LHFPL2: variants seen among roughly 807,000 people sequenced by gnomAD.
LHFPL2 encodes LHFPL tetraspan subfamily member 2.
In LHFPL2, 7 loss-of-function variants were observed where a neutral mutation model predicts 17.5. The ratio of observed to expected loss-of-function variants is 0.40; its 90% CI spans 0.23 to 0.75. The LOEUF (loss-of-function observed/expected upper bound fraction) is 0.75. Among genes scored for constraint, LHFPL2 ranks in the 30% least tolerant of loss-of-function variants. LHFPL2 has a pLI of 0.37. For missense variants in LHFPL2, 241 were observed against 294.8 expected (o/e 0.82, Z 1.34); for synonymous variants, 134 against 116.2 (o/e 1.15, Z -0.99).
At chr5:78,556,861 G>A (rs1344106241) in intron 3 of LHFPL2, among the ~76,000 whole-genome samples, 6 of 152,158 alleles carry the variant, frequency 3.9e-5, no homozygotes, top group African/African-American at 1.4e-4. Flanking sequence ...TGACCCCTAA[G>A]GGAACTGATT....
chr5:78,513,358 G>A (rs1755193694), intron 3 of LHFPL2, among the ~76,000 whole-genome samples: 1 of 152,172 alleles, frequency 6.6e-6, no homozygotes, highest in Non-Finnish European at 1.5e-5. Flanking sequence ...TCTCCTTTAT[G>A]CTAAAACATT....
intron 2 of LHFPL2, among the ~76,000 whole-genome samples, chr5:78,598,946 C>T (rs1026189572): frequency 6.6e-5 from 10 of 152,142 alleles, no homozygotes; most frequent in African/African-American, 2.2e-4. Context: ...ACCTGTACAA[C>T]ACCTTCAAAT....
rs575701275 is a variant in LHFPL2, at chr5:78,534,075, G to A, written c.-185-23677C>T. Among the ~76,000 whole-genome samples the A allele has an allele frequency of 5.9e-5, 9 of 152,372 alleles. No homozygotes were observed. The South Asian group carries it at 1.7e-3, about 28-fold the overall frequency. On this transcript the variant is annotated intron_variant, in intron 3 of 4. Coordinates refer to ENST00000380345, the MANE Select transcript of LHFPL2 (RefSeq NM_005779.3). ...CCAATCACCGATGCTGGGGCAGGGA[G>A]AGGAGGGATATGACAACAACAAGGC...
rs536843504 is a variant in LHFPL2 at position 78,647,387 on chromosome 5, A to C, written c.-350+1112T>G. ...CTCTCTGGCCAAGGGGTAAGGCAAA[A>C]GCAATGTGCAGGTTATAAATGTCCC... On this transcript the variant is annotated intron_variant, in intron 1 of 4. Coordinates refer to ENST00000380345, the MANE Select transcript of LHFPL2 (RefSeq NM_005779.3). 3.3e-5 allele frequency among the ~76,000 whole-genome samples: 5 copies of C among 152,292 alleles called. No homozygotes were observed. In the East Asian group the frequency reaches 9.7e-4, roughly 29 times the overall value.
intron 1 of LHFPL2, among the ~76,000 whole-genome samples, chr5:78,646,017 A>G (rs1441072308): frequency 1.3e-5 from 2 of 152,186 alleles, no homozygotes; most frequent in Non-Finnish European, 1.5e-5. Flanking sequence ...TATCATGTTC[A>G]TTACTATAGT....
intron 3 of LHFPL2, among the ~76,000 whole-genome samples, chr5:78,551,616 G>A (rs563796594): frequency 2.0e-5 from 3 of 152,286 alleles, no homozygotes; most frequent in East Asian, 3.9e-4. Context: ...AGCCCTAGCA[G>A]CAGCCTTAGA....
In LHFPL2 at chr5:78,648,143, A is replaced by C. The variant is rs1333867890; in HGVS notation, c.-350+356T>G. 1.3e-5 allele frequency among the ~76,000 whole-genome samples: 2 copies of C among 152,066 alleles called. No individual in the cohort carries two copies. The highest frequency in any genetic ancestry group is 4.8e-5 in the African/African-American group (2 of 41,426). ...CGGCGCCCAGCTGCGCCTGGGACCC[A>C]CGCGCCGCCGTCCGAAGCCCGCCAG... is the stretch of plus-strand genomic sequence containing the variant. On this transcript the variant is annotated intron_variant, in intron 1 of 4. Transcript: ENST00000380345. This position sits in a 1 kb window ranked among gnomAD's most constrained non-coding sequence, Gnocchi z 5.4.
chr5:78,648,478 G>A lies in LHFPL2; in HGVS notation c.-350+21C>T, dbSNP rs1401656832. ...GCTCTCCCCTCCCGCAGCGCGCGCG[G>A]GCCCGACGCCTGCCACTCACCCGGC... On this transcript the variant is annotated intron_variant, in intron 1 of 4. Transcript: ENST00000380345. The surrounding 1 kb of genome is among the most constrained non-coding windows in gnomAD (Gnocchi z 5.4). 3 of 151,788 alleles carry A rather than the reference G, an allele frequency of 2.0e-5. No individual in the cohort carries two copies. The highest frequency in any genetic ancestry group is 1.3e-4 in the Admixed American group (2 of 15,234). The allele number at this position is 151,788 out of a possible 1,614,324, so 9.4% of individuals were successfully genotyped here. A position where few individuals can be genotyped will look rare whatever the true frequency, so the allele number is the denominator to read the frequency against.
intron 2 of LHFPL2, among the ~76,000 whole-genome samples, chr5:78,577,264 T>A (rs1025706639): frequency 6.6e-6 from 1 of 152,184 alleles, no homozygotes; most frequent in Admixed American, 6.5e-5. Flanking sequence ...AATATCAACA[T>A]GAGTTGTTTC....
chr5:78,600,155 C>G (rs989515442), intron 2 of LHFPL2, among the ~76,000 whole-genome samples: 2 of 151,928 alleles, frequency 1.3e-5, no homozygotes, highest in South Asian at 4.2e-4. Flanking sequence ...CTGAATAGTT[C>G]TAAAAATTTC....
At chr5:78,639,350 A>G (rs1745580284) in intron 1 of LHFPL2, among the ~76,000 whole-genome samples, 1 of 152,220 alleles carries the variant, frequency 6.6e-6, no homozygotes, top group African/African-American at 2.4e-5. Context: ...CAAACAAACA[A>G]ACAAACAAAA....
At chr5:78,528,063 G>A (rs539729684) in intron 3 of LHFPL2, among the ~76,000 whole-genome samples, 1 of 152,246 alleles carries the variant, frequency 6.6e-6, no homozygotes, top group South Asian at 2.1e-4. Flanking sequence ...ATCTCTCTTT[G>A]GCTTAACTGT....
At chr5:78,570,359 G>A (rs1321995348) in intron 2 of LHFPL2, among the ~76,000 whole-genome samples, 1 of 152,090 alleles carries the variant, frequency 6.6e-6, no homozygotes, top group Non-Finnish European at 1.5e-5. Context: ...AAGCGCAGGA[G>A]GCAAGGAGGA....
chr5:78,586,489 C>T (rs1285959046), intron 2 of LHFPL2, among the ~76,000 whole-genome samples: 18 of 152,200 alleles, frequency 1.2e-4, no homozygotes, highest in Non-Finnish European at 7.3e-5. Flanking sequence ...AGTCATCACA[C>T]AGCTGGTATA....
chr5:78,546,437 G>A (rs1312546439), intron 3 of LHFPL2, among the ~76,000 whole-genome samples: 1 of 152,058 alleles, frequency 6.6e-6, no homozygotes, highest in Admixed American at 6.6e-5. Context: ...TTTATCCTTG[G>A]GCAAACCACT....
chr5:78,643,351 T>G (rs1745746365), intron 1 of LHFPL2, among the ~76,000 whole-genome samples: 1 of 152,226 alleles, frequency 6.6e-6, no homozygotes, highest in East Asian at 1.9e-4. Context: ...AGCCACATCT[T>G]CTATACCAAA....
At chr5:78,539,252 C>G (rs939616783) in intron 3 of LHFPL2, among the ~76,000 whole-genome samples, 1 of 152,190 alleles carries the variant, frequency 6.6e-6, no homozygotes, top group African/African-American at 2.4e-5. Context: ...TCACCCGACA[C>G]CACTGCTGGC....
chr5:78,639,542 C>T (rs1229191331), intron 1 of LHFPL2, among the ~76,000 whole-genome samples: 1 of 152,040 alleles, frequency 6.6e-6, no homozygotes, highest in African/African-American at 2.4e-5. Flanking sequence ...CTGAAAGGCC[C>T]ACTGTAAGAA....
Position 78,539,502 on chromosome 5 carries a change from G to A in LHFPL2, c.-186+25311C>T, listed in dbSNP as rs148211810. On this transcript the variant is annotated intron_variant, in intron 3 of 4. Transcript: ENST00000380345. The stretch of plus-strand genomic sequence containing the variant: ...AAAGATGGTAAAGTGCTTAGCATAC[G>A]GTATATCGTATGCACTCAGTTAAGG... Among the ~76,000 whole-genome samples, 259 of 152,180 alleles carry A rather than the reference G, an allele frequency of 1.7e-3. 1 individual carries two copies. The highest frequency in any genetic ancestry group is 2.6e-3 in the Non-Finnish European group (180 of 67,998).
Sources: gnomAD v4.1 joint callset for allele counts (sites outside exome capture counted in the v4.1 genomes callset) on GRCh38, gnomAD v4.1.1 for gene constraint, Gnocchi (gnomAD v3.1) non-coding constraint, MANE v1.5 for transcripts, NCBI Gene and HGNC (gene_info 2026-07-23, HGNC 2026-07-21) for gene names.